Variants in MYPOP observed in about 807,000 individuals in gnomAD.
MYPOP encodes the protein Myb related transcription factor, partner of profilin, also known as myb-related transcription factor, partner of profilin.
A neutral mutation model predicts 25.7 loss-of-function variants in MYPOP; 21 were observed. The ratio of observed to expected loss-of-function variants is 0.82; its 90% CI spans 0.58 to 1.18. MYPOP has a LOEUF of 1.18. Ranked by LOEUF, MYPOP falls within the 50% of genes most tolerant of loss-of-function variation. The pLI, the probability that MYPOP is intolerant of heterozygous loss-of-function variation, is 0.00. For missense variants in MYPOP, 566 were observed against 588.3 expected (o/e 0.96, Z 0.39); for synonymous variants, 280 against 247.9 (o/e 1.13, Z -1.22).
chr19:45,896,034 TA>T (rs995543948), intron 2 of MYPOP, among the ~76,000 whole-genome samples: 3 of 151,546 alleles, frequency 2.0e-5, no homozygotes, highest in Non-Finnish European at 4.4e-5. Context: ...GCTCAGCCGG[TA>T]ATCCCAGCAC....
intron 2 of MYPOP, among the ~76,000 whole-genome samples, chr19:45,893,589 G>T (rs1043638570): frequency 4.9e-5 from 7 of 141,516 alleles, no homozygotes; most frequent in African/African-American, 1.9e-4. Context: ...AAAAAAAAAA[G>T]GCAAATCTAT....
chr19:45,895,711 T>A (rs1401381278), intron 2 of MYPOP, among the ~76,000 whole-genome samples: 1 of 152,098 alleles, frequency 6.6e-6, no homozygotes, highest in African/African-American at 2.4e-5. Context: ...GCTGATTGGG[T>A]CCCAGGCCCC....
At chr19:45,899,396 A>C (rs1041754015) in intron 2 of MYPOP, among the ~76,000 whole-genome samples, 2 of 152,170 alleles carry the variant, frequency 1.3e-5, no homozygotes, top group African/African-American at 4.8e-5. Context: ...AAGTTTCTGA[A>C]AAAATAAGTT....
At chr19:45,893,939 G>T (rs1324817210) in intron 2 of MYPOP, among the ~76,000 whole-genome samples, 31 of 127,038 alleles carry the variant, frequency 2.4e-4, no homozygotes, top group East Asian at 7.8e-4. Context: ...ACAGGCGCCC[G>T]CCACCACGCC....
chr19:45,890,880 G>A lies in MYPOP; in HGVS notation c.943C>T (p.Pro315Ser), dbSNP rs1287882594. ...SLPPPLPPPP[P>S]PPPPPRPVLP... ...ACAGGCCTGGGAGGTGGCGGTGGGG[G>A]TGGGGGTGGGGGCAGAGGTGGAGGC... is the stretch of plus-strand genomic sequence containing the variant. The change falls in exon 3 of 3, where the codon CCC (proline) becomes TCC (serine). Residue 315 changes from proline (P) to serine (S), a missense_variant. By Grantham distance (74) the Pro-to-Ser change is moderately conservative. Coordinates refer to ENST00000322217, the MANE Select transcript of MYPOP (RefSeq NM_001012643.4). 7.0e-7 allele frequency: 1 copy of A among 1,425,608 alleles called. No homozygotes were observed. The highest frequency in any genetic ancestry group is 9.2e-7 in the Non-Finnish European group (1 of 1,091,308). The allele number at this position is 1,425,608 out of a possible 1,614,324, so 88.3% of individuals were successfully genotyped here.
intron 2 of MYPOP, among the ~76,000 whole-genome samples, chr19:45,895,668 C>G (rs898614091): frequency 6.6e-6 from 1 of 152,094 alleles, no homozygotes; most frequent in African/African-American, 2.4e-5. Context: ...TTTTCTTTAA[C>G]GAGAAAAGAA....
intron 2 of MYPOP, among the ~76,000 whole-genome samples, chr19:45,897,771 G>C (rs1967227088): frequency 6.6e-6 from 1 of 151,822 alleles, no homozygotes; most frequent in Non-Finnish European, 1.5e-5. Flanking sequence ...GCCCAGGCTG[G>C]TCTTGCCCTC....
At chr19:45,897,115 G>C (rs1967217402) in intron 2 of MYPOP, among the ~76,000 whole-genome samples, 1 of 149,444 alleles carries the variant, frequency 6.7e-6, no homozygotes, top group East Asian at 2.0e-4. Context: ...CCAGGCTGGA[G>C]TGCAATGGCG....
At chr19:45,898,384 G>A (rs749959566) in intron 2 of MYPOP, among the ~76,000 whole-genome samples, 1 of 150,160 alleles carries the variant, frequency 6.7e-6, no homozygotes, top group Admixed American at 6.6e-5. Flanking sequence ...GTGCAATGGC[G>A]CGATCATGGC....
Position 45,890,791 on chromosome 19 carries a change from C to T in MYPOP, c.1032G>A (p.Val344=). ...TPEPVSVVAA[V]VDGAVVAARG... ...TGGCTGCCACCACTGCCCCGTCCAC[C>T]ACAGCAGCCACCACGGACACGGGCT... Residue 344 remains valine (V), a synonymous_variant, in exon 3 of 3, where the codon GTG becomes GTA. Coordinates refer to ENST00000322217, the MANE Select transcript of MYPOP (RefSeq NM_001012643.4). The T allele has an allele frequency of 6.7e-7, 1 of 1,501,854 alleles. No homozygotes were observed. The highest frequency in any genetic ancestry group is 8.9e-7 in the Non-Finnish European group (1 of 1,122,746). The allele number at this position is 1,501,854 out of a possible 1,614,324, so 93.0% of individuals were successfully genotyped here.
At chr19:45,895,553 T>A (rs908541897) in intron 2 of MYPOP, among the ~76,000 whole-genome samples, 8 of 152,182 alleles carry the variant, frequency 5.3e-5, no homozygotes, top group African/African-American at 1.9e-4. Flanking sequence ...TATGGCTCTG[T>A]GTCTGCTGTC....
At chr19:45,898,999 G>T (rs917656913) in intron 2 of MYPOP, among the ~76,000 whole-genome samples, 4 of 152,226 alleles carry the variant, frequency 2.6e-5, no homozygotes, top group Middle Eastern at 3.4e-3. Flanking sequence ...GGCCAAGGCG[G>T]GCAGATCACC....
At chr19:45,898,528 G>C (rs945029060) in intron 2 of MYPOP, among the ~76,000 whole-genome samples, 16 of 151,930 alleles carry the variant, frequency 1.1e-4, no homozygotes, top group African/African-American at 3.9e-4. Context: ...TCTCCATGTT[G>C]GTCAGGCTGG....
At position 45,891,324 on chromosome 19, in the gene MYPOP, C is replaced by A; in HGVS notation, c.500-1G>T. 1 of 1,497,226 alleles carries A rather than the reference C, an allele frequency of 6.7e-7. No homozygotes were observed. Among genetic ancestry groups the A allele is most frequent in the Admixed American group, 2.3e-5 (1 of 44,192 alleles). 92.7% of individuals were successfully genotyped at this position (1,497,226 alleles called of 1,614,324 possible). Reference sequence around the variant, plus strand: ...CCCGCCTTGCTGTGGGCTGATGTATCTGTAGAGAGAGAAATACAGGTAAGG... The same window carrying A: ...CCCGCCTTGCTGTGGGCTGATGTATATGTAGAGAGAGAAATACAGGTAAGG... On this transcript the variant is annotated splice_acceptor_variant, in intron 2 of 2. Coordinates refer to ENST00000322217, the MANE Select transcript of MYPOP (RefSeq NM_001012643.4). LOFTEE classifies it high-confidence loss of function.
At chr19:45,895,164 C>G (rs375700477) in intron 2 of MYPOP, among the ~76,000 whole-genome samples, 1 of 152,222 alleles carries the variant, frequency 6.6e-6, no homozygotes, top group Non-Finnish European at 1.5e-5. Context: ...GCCTTCCTGA[C>G]CTCAGCTCCC....
Position 45,901,726 on chromosome 19 carries a change from G to C in MYPOP, c.48C>G (p.Arg16=), listed in dbSNP as rs773574435. Residue 16 remains arginine (R), a synonymous_variant, in exon 2 of 3, where the codon CGC becomes CGG. Transcript: ENST00000322217. This position sits in a 1 kb window ranked among gnomAD's most constrained non-coding sequence, Gnocchi z 5.7. The stretch of plus-strand genomic sequence containing the variant: ...TCTCTTCGAATGAGAAGCGCGGCTT[G>C]CGCAACCGGGTGGTTTCCTCCGCTT... ...AGEAEETTRL[R]KPRFSFEENQ... The C allele has an allele frequency of 6.4e-7, 1 of 1,560,680 alleles. No individual in the cohort carries two copies. Among genetic ancestry groups the C allele is most frequent in the Non-Finnish European group, 8.6e-7 (1 of 1,157,126 alleles).
chr19:45,890,567 C>A lies in MYPOP; in HGVS notation c.*56G>T, dbSNP rs1296737031. 2.5e-6 allele frequency: 4 copies of A among 1,592,216 alleles called. No individual in the cohort carries two copies. Among genetic ancestry groups the A allele is most frequent in the East Asian group, 2.3e-5 (1 of 44,274 alleles). Reference sequence around the variant, plus strand: ...GGGATGGGCAGAGAGCATCGCCCCCCTCGACTGCGCCAAGCTGGGGAGAGG... The same window carrying A: ...GGGATGGGCAGAGAGCATCGCCCCCATCGACTGCGCCAAGCTGGGGAGAGG... On this transcript the variant is annotated 3_prime_UTR_variant, in exon 3 of 3. Transcript: ENST00000322217.
At position 45,894,143 on chromosome 19, in the gene MYPOP, C is replaced by T. The variant is rs566604498; in HGVS notation, c.500-2820G>A. ...TTTTTTATTTTTTGAGACGGAGTCT[C>T]GCTCTGTCGCCCAGGCTGGAGTGCA... On this transcript the variant is annotated intron_variant, in intron 2 of 2. Transcript: ENST00000322217. Among the ~76,000 whole-genome samples the T allele has an allele frequency of 2.6e-5, 4 of 151,614 alleles. No individual in the cohort carries two copies. In the East Asian group the frequency reaches 7.8e-4, roughly 29 times the overall value.
intron 2 of MYPOP, among the ~76,000 whole-genome samples, chr19:45,899,280 G>C (rs1967253765): frequency 6.6e-6 from 1 of 152,162 alleles, no homozygotes. Context: ...CATAAGGGAA[G>C]GGGATTTTGT....
Sources: allele counts gnomAD v4.1 joint callset (sites outside exome capture counted in the v4.1 genomes callset), GRCh38; gene constraint gnomAD v4.1.1; non-coding constraint Gnocchi (gnomAD v3.1); transcripts MANE v1.5; gene names NCBI Gene and HGNC (gene_info 2026-07-23, HGNC 2026-07-21).